Variants in ABR observed in about 807,000 individuals in gnomAD.
ABR encodes ABR activator of RhoGEF and GTPase.
In ABR, 35 loss-of-function variants were observed where a neutral mutation model predicts 107.2. The ratio of observed to expected loss-of-function variants is 0.33; its 90% CI spans 0.25 to 0.43. ABR has a LOEUF of 0.43. Ranked by LOEUF, ABR falls within the 20% of genes least tolerant of loss-of-function variation. The pLI is 1.00. For synonymous variants in ABR, 498 were observed against 462.0 expected (o/e 1.08, Z -1.00); for missense variants, 815 against 1,115.2 (o/e 0.73, Z 3.83).
chr17:1,006,419 C>G (rs2070041007), intron 22 of ABR, among the ~76,000 whole-genome samples: 1 of 152,210 alleles, frequency 6.6e-6, no homozygotes, highest in Non-Finnish European at 1.5e-5. Context: ...AGTCCGGCCC[C>G]TGCTCTGGGT....
At chr17:1,209,962 A>G (rs1218305912) in intron 1 of ABR, among the ~76,000 whole-genome samples, 1 of 152,244 alleles carries the variant, frequency 6.6e-6, no homozygotes, top group Admixed American at 6.5e-5. Flanking sequence ...TCTTAACTCC[A>G]CGATGATCTT....
intron 16 of ABR, among the ~76,000 whole-genome samples, chr17:1,023,527 T>C (rs896331022): frequency 2.1e-4 from 30 of 142,092 alleles, no homozygotes; most frequent in African/African-American, 5.6e-4. Context: ...TGGGGCCCTC[T>C]TGAGAAAAGG....
At chr17:1,224,450 T>A (rs925635082) in intron 1 of ABR, among the ~76,000 whole-genome samples, 1 of 152,176 alleles carries the variant, frequency 6.6e-6, no homozygotes, top group South Asian at 2.1e-4. Flanking sequence ...AGGCCTCACG[T>A]GTTCTCTCTC....
chr17:1,223,407 C>T (rs1005916710), intron 1 of ABR, among the ~76,000 whole-genome samples: 3 of 151,902 alleles, frequency 2.0e-5, no homozygotes, highest in African/African-American at 7.3e-5. Flanking sequence ...ATTTAATCTT[C>T]GTAACTATCC....
chr17:1,070,648 T>C lies in ABR; in HGVS notation c.895-558A>G, dbSNP rs1395330686. Among the ~76,000 whole-genome samples, 4 of 151,846 alleles carry C rather than the reference T, an allele frequency of 2.6e-5. No individual in the cohort carries two copies. The highest frequency in any genetic ancestry group is 7.3e-5 in the African/African-American group (3 of 41,330). On this transcript the variant is annotated intron_variant, in intron 8 of 22. Coordinates refer to ENST00000302538, the MANE Select transcript of ABR (RefSeq NM_021962.5). The surrounding 1 kb of genome is among the most constrained non-coding windows in gnomAD (Gnocchi z 4.2). ...TCTCCAGCCCCCTGGGGATGAGACC[T>C]GGGCCCTCCAGCCTGGGACTGCAGC...
intron 16 of ABR, among the ~76,000 whole-genome samples, chr17:1,035,944 G>C (rs766838017): frequency 1.2e-4 from 18 of 151,700 alleles, no homozygotes; most frequent in Non-Finnish European, 2.6e-4. Context: ...GAGGAAAAAA[G>C]GTCACATCCT....
chr17:1,021,789 G>A (rs1418699240), intron 16 of ABR, among the ~76,000 whole-genome samples: 18 of 143,894 alleles, frequency 1.3e-4, no homozygotes, highest in Non-Finnish European at 2.4e-4. Flanking sequence ...CAGCCTGGCG[G>A]CAGAAAAAAA....
At chr17:1,007,130 T>G in intron 22 of ABR, 35 bp downstream of exon 22, 1 of 1,304,632 alleles carries the variant, frequency 7.7e-7, no homozygotes, top group Non-Finnish European at 1.0e-6. Context: ...ACCGTCACCC[T>G]CCGCCAGCCA....
At chr17:1,076,121 C>T (rs191167085) in intron 6 of ABR, among the ~76,000 whole-genome samples, 1 of 152,352 alleles carries the variant, frequency 6.6e-6, no homozygotes, top group East Asian at 1.9e-4. Context: ...ACAAGCTGGT[C>T]TCGAACTCCT....
At chr17:1,100,910 G>A (rs913628310) in intron 2 of ABR, 175 bp from the exon 3 acceptor site, 17 of 621,614 alleles carry the variant, frequency 2.7e-5, no homozygotes, top group African/African-American at 1.8e-4. Context: ...TGCAACCTCC[G>A]CCTCCCGGGT....
At chr17:1,215,964 T>C (rs1463436996) in intron 1 of ABR, among the ~76,000 whole-genome samples, 1 of 136,270 alleles carries the variant, frequency 7.3e-6, no homozygotes, top group Non-Finnish European at 1.6e-5. Flanking sequence ...GTTAAACAGA[T>C]GCTTGAAGGC....
At chr17:1,223,703 C>G (rs187328276) in intron 1 of ABR, among the ~76,000 whole-genome samples, 144 of 152,206 alleles carry the variant, frequency 9.5e-4, no homozygotes, top group African/African-American at 2.7e-3. Context: ...CTGGGGAGGC[C>G]TCAGGAAACT....
chr17:1,135,859 G>C (rs1440566759), intron 1 of ABR, among the ~76,000 whole-genome samples: 1 of 147,562 alleles, frequency 6.8e-6, no homozygotes, highest in African/African-American at 2.5e-5. Flanking sequence ...CTGGGTGACA[G>C]AGCAAGGCTC....
intron 16 of ABR, chr17:1,031,859 T>TCCCTCCCTCCCCGCGCTC (rs1481369746): frequency 2.2e-4 from 174 of 776,146 alleles, no homozygotes; most frequent in Non-Finnish European, 2.5e-4. Context: ...CCTCCCTCCC[T>TCCCTCCCTCCCCGCGCTC]CCCTCCCTCC....
In ABR at chr17:1,213,926, C is replaced by T. The variant is rs1187266589; in HGVS notation, c.838+14867G>A. ...TTTTTGAGACCGAGTCTCGCCCTAT[C>T]GCCCAGGCTGGAGTGCAATGGCACA... On this transcript the variant is annotated intron_variant, in intron 1 of 22. Transcript: ENST00000574139. Among the ~76,000 whole-genome samples, 4 of 152,166 alleles carry T rather than the reference C, an allele frequency of 2.6e-5. No individual in the cohort carries two copies. The East Asian group carries it at 5.8e-4, about 22-fold the overall frequency.
intron 6 of ABR, among the ~76,000 whole-genome samples, chr17:1,075,936 G>A (rs1179484924): frequency 1.3e-5 from 2 of 152,176 alleles, no homozygotes; most frequent in Non-Finnish European, 2.9e-5. Context: ...CAACTACTTG[G>A]GAGGCTGAGG....
chr17:1,157,065 C>T lies in ABR; in HGVS notation c.61+22602G>A, dbSNP rs1010349481. Reference sequence around the variant, plus strand: ...AAGTTAACTCACCGCAGCCTCACACCGCGCCAGGAGGCAGGCACTAATATT... The same window carrying T: ...AAGTTAACTCACCGCAGCCTCACACTGCGCCAGGAGGCAGGCACTAATATT... On this transcript the variant is annotated intron_variant, in intron 1 of 22. Coordinates refer to ENST00000302538, the MANE Select transcript of ABR (RefSeq NM_021962.5). The surrounding 1 kb of genome is among the most constrained non-coding windows in gnomAD (Gnocchi z 4.7). Among the ~76,000 whole-genome samples, 3 of 152,124 alleles carry T rather than the reference C, an allele frequency of 2.0e-5. No homozygotes were observed. Among genetic ancestry groups the T allele is most frequent in the Non-Finnish European group, 4.4e-5 (3 of 68,036 alleles).
intron 16 of ABR, among the ~76,000 whole-genome samples, chr17:1,032,391 T>G (rs1431180197): frequency 1.3e-5 from 2 of 152,084 alleles, no homozygotes; most frequent in African/African-American, 4.8e-5. Context: ...GGAATCCCAG[T>G]GGGAATCGGG....
At position 1,071,285 on chromosome 17, in the gene ABR, G is replaced by A. The variant is rs2035216388; in HGVS notation, c.895-1195C>T. 6.6e-6 allele frequency among the ~76,000 whole-genome samples: 1 copy of A among 152,174 alleles called. No homozygotes were observed. Among genetic ancestry groups the A allele is most frequent in the Admixed American group, 6.5e-5 (1 of 15,286 alleles). On this transcript the variant is annotated intron_variant, in intron 8 of 22. Coordinates refer to ENST00000302538, the MANE Select transcript of ABR (RefSeq NM_021962.5). The surrounding 1 kb of genome is among the most constrained non-coding windows in gnomAD (Gnocchi z 5.1). ...GCACATCAGCACCAGGAGCCGCACG[G>A]AATCGGCTCTCTCTGCCCAGTGGAC...
Sources: allele counts gnomAD v4.1 joint callset (sites outside exome capture counted in the v4.1 genomes callset), GRCh38; gene constraint gnomAD v4.1.1; non-coding constraint Gnocchi (gnomAD v3.1); transcripts MANE v1.5; gene names NCBI Gene and HGNC (gene_info 2026-07-23, HGNC 2026-07-21).